The following GNAL variants were observed in gnomAD, a reference collection of about 807,000 sequenced individuals.
The protein encoded by GNAL is G protein subunit alpha L.
GNAL carries 18 observed loss-of-function variants against 55.1 expected under a neutral mutation model. The ratio of observed to expected loss-of-function variants is 0.33; its 90% CI spans 0.23 to 0.48. GNAL has a LOEUF of 0.48. Among genes scored for constraint, GNAL ranks in the 20% least tolerant of loss-of-function variants. The pLI is 0.99. For synonymous variants in GNAL, 253 were observed against 237.0 expected (o/e 1.07, Z -0.62); for missense variants, 412 against 614.1 (o/e 0.67, Z 3.48).
chr18:11,693,723 C>G (rs934562846), intron 1 of GNAL, among the ~76,000 whole-genome samples: 1 of 142,838 alleles, frequency 7.0e-6, no homozygotes, highest in African/African-American at 2.8e-5. Context: ...AGGGAAGGTG[C>G]ACTTGCTCCA....
At chr18:11,778,129 A>G (rs1287349957) in intron 4 of GNAL, among the ~76,000 whole-genome samples, 2 of 152,104 alleles carry the variant, frequency 1.3e-5, no homozygotes, top group Non-Finnish European at 2.9e-5. Context: ...ACCCATACAT[A>G]TGTATGGTGA....
intron 10 of GNAL, among the ~76,000 whole-genome samples, chr18:11,873,458 T>A (rs1266517318): frequency 1.3e-5 from 2 of 152,274 alleles, no homozygotes; most frequent in Non-Finnish European, 2.9e-5. Flanking sequence ...TATTTCCTTA[T>A]AGGAATAAAT....
chr18:11,842,861 A>C (rs2035649105), intron 5 of GNAL, among the ~76,000 whole-genome samples: 1 of 152,182 alleles, frequency 6.6e-6, no homozygotes, highest in African/African-American at 2.4e-5. Context: ...CACTTCTTTT[A>C]AAAACATTCA....
intron 1 of GNAL, among the ~76,000 whole-genome samples, chr18:11,690,522 A>G (rs2031212115): frequency 6.6e-6 from 1 of 151,400 alleles, no homozygotes; most frequent in Non-Finnish European, 1.5e-5. Context: ...GGTTAGTTAC[A>G]TATGTATACA....
chr18:11,862,243 T>TA, intron 5 of GNAL, 152 bp from the exon 6 acceptor site: 1 of 585,508 alleles, frequency 1.7e-6, no homozygotes, highest in Non-Finnish European at 3.2e-6. Context: ...TCTAGACAGA[T>TA]ACAAATTCAG....
At chr18:11,858,362 C>T (rs2036056907) in intron 5 of GNAL, among the ~76,000 whole-genome samples, 1 of 152,210 alleles carries the variant, frequency 6.6e-6, no homozygotes, top group Non-Finnish European at 1.5e-5. Context: ...TGCACCTCTG[C>T]ATCTAATAGT....
intron 4 of GNAL, among the ~76,000 whole-genome samples, chr18:11,778,093 C>T (rs1568022975): frequency 6.6e-6 from 1 of 152,206 alleles, no homozygotes; most frequent in Non-Finnish European, 1.5e-5. Context: ...CAGACATGTG[C>T]TCTTCGGAGA....
chr18:11,693,585 C>T lies in GNAL; in HGVS notation c.376+3646C>T, dbSNP rs148959613. Among the ~76,000 whole-genome samples the T allele has an allele frequency of 3.7e-3, 563 of 152,182 alleles. 1 individual carries two copies. Among genetic ancestry groups the T allele is most frequent in the African/African-American group, 0.013 (550 of 41,514 alleles). ...AATATGACTTATTGACCATTAATAT[C>T]CTCAGATAATTACTTATGCTGCCAT... On this transcript the variant is annotated intron_variant, in intron 1 of 11. Transcript: ENST00000334049.
At chr18:11,822,825 T>TC (rs1359352929) in intron 4 of GNAL, among the ~76,000 whole-genome samples, 25 of 146,844 alleles carry the variant, frequency 1.7e-4, no homozygotes, top group African/African-American at 6.0e-4. Context: ...TTTTTCTTTT[T>TC]TTTTTTTTTT....
At chr18:11,763,519 A>G (rs1039428045) in intron 4 of GNAL, among the ~76,000 whole-genome samples, 1 of 151,858 alleles carries the variant, frequency 6.6e-6, no homozygotes, top group Admixed American at 6.6e-5. Context: ...GACTACAGGC[A>G]TAGCCCACCA....
At chr18:11,769,971 T>G (rs1378702205) in intron 4 of GNAL, among the ~76,000 whole-genome samples, 2 of 152,246 alleles carry the variant, frequency 1.3e-5, no homozygotes, top group African/African-American at 4.8e-5. Context: ...GAAAAATATG[T>G]AACATGACTT....
At chr18:11,764,186 C>G (rs1277723679) in intron 4 of GNAL, among the ~76,000 whole-genome samples, 1 of 152,088 alleles carries the variant, frequency 6.6e-6, no homozygotes, top group Non-Finnish European at 1.5e-5. Flanking sequence ...CTCACTGCAA[C>G]CTCCTCCCTT....
chr18:11,715,241 C>T (rs1477669218), intron 1 of GNAL, among the ~76,000 whole-genome samples: 1 of 151,822 alleles, frequency 6.6e-6, no homozygotes, highest in African/African-American at 2.4e-5. Context: ...GGGCGGATCA[C>T]AAGGTCAGGA....
chr18:11,699,546 G>GT (rs59919332), intron 1 of GNAL, among the ~76,000 whole-genome samples: 32,859 of 146,228 alleles, frequency 0.22, 7,591 homozygotes, highest in African/African-American at 0.6. Flanking sequence ...TAGTTGTTGG[G>GT]TTTTTTTTTT....
At chr18:11,825,729 C>CAAAAAAAAAAA (rs60460793) in intron 5 of GNAL, among the ~76,000 whole-genome samples, 1 of 76,922 alleles carries the variant, frequency 1.3e-5, no homozygotes, top group Non-Finnish European at 2.4e-5. Flanking sequence ...GACTCTGTCT[C>CAAAAAAAAAAA]AAAAAAAAAA....
intron 8 of GNAL, 90 bp downstream of exon 8, chr18:11,867,316 T>A: frequency 1.2e-6 from 1 of 803,946 alleles, no homozygotes; most frequent in Non-Finnish European, 2.2e-6. Flanking sequence ...AGATAATCTC[T>A]AACTAATATG....
In GNAL at chr18:11,841,502, C is replaced by T. The variant is rs111304723; in HGVS notation, c.722+16487C>T. On this transcript the variant is annotated intron_variant, in intron 5 of 11. Coordinates refer to ENST00000334049, the MANE Select transcript of GNAL (RefSeq NM_182978.4). Reference sequence around the variant, plus strand: ...CTTTACTAAAAATACAAAAATTAGTCGGGCATGGTGACGCATGCTGTAATC... The same window carrying T: ...CTTTACTAAAAATACAAAAATTAGTTGGGCATGGTGACGCATGCTGTAATC... Among the ~76,000 whole-genome samples, 1,202 of 151,880 alleles carry T rather than the reference C, an allele frequency of 7.9e-3. 18 individuals carry two copies. The highest frequency in any genetic ancestry group is 0.027 in the African/African-American group (1,109 of 41,434).
At chr18:11,693,445 T>C (rs1281144754) in intron 1 of GNAL, among the ~76,000 whole-genome samples, 4 of 152,256 alleles carry the variant, frequency 2.6e-5, no homozygotes, top group Non-Finnish European at 5.9e-5. Flanking sequence ...AAACGCATAC[T>C]GTTACATGAG....
At position 11,752,351 on chromosome 18, in the gene GNAL, C is replaced by T; in HGVS notation, c.377-502C>T. On this transcript the variant is annotated intron_variant, in intron 1 of 11. Transcript: ENST00000334049. This position sits in a 1 kb window ranked among gnomAD's most constrained non-coding sequence, Gnocchi z 4.5. The stretch of plus-strand genomic sequence containing the variant: ...CAGCAGCAGGAAAGAGAGGAGCCGT[C>T]GCAGGAGCCGCACACGTCTCCAACT... 3.3e-6 allele frequency: 5 copies of T among 1,501,792 alleles called. No homozygotes were observed. Among genetic ancestry groups the T allele is most frequent in the East Asian group, 2.6e-5 (1 of 38,228 alleles). 93.0% of individuals were successfully genotyped at this position (1,501,792 alleles called of 1,614,324 possible). A position where few individuals can be genotyped will look rare whatever the true frequency, so the allele number is the denominator to read the frequency against.
Sources: allele counts gnomAD v4.1 joint callset (sites outside exome capture counted in the v4.1 genomes callset), GRCh38; gene constraint gnomAD v4.1.1; non-coding constraint Gnocchi (gnomAD v3.1); transcripts MANE v1.5; gene names NCBI Gene and HGNC (gene_info 2026-07-23, HGNC 2026-07-21).